The following MEIS2 variants were observed in gnomAD, a reference collection of about 807,000 sequenced individuals.
The protein encoded by MEIS2 is homeobox protein Meis2.
A neutral mutation model predicts 58.6 loss-of-function variants in MEIS2; 9 were observed. That is an observed-to-expected ratio of 0.15 (90% CI 0.09 to 0.27). MEIS2 has a LOEUF of 0.27. Among genes scored for constraint, MEIS2 ranks in the 10% least tolerant of loss-of-function variants. The pLI is 1.00. For synonymous variants in MEIS2, 221 were observed against 228.4 expected, an observed-to-expected ratio of 0.97 and a Z score of 0.29; for missense variants, 427 against 635.0, an observed-to-expected ratio of 0.67 and a Z score of 3.52.
At chr15:37,046,091 T>G (rs996231967) in intron 7 of MEIS2, among the ~76,000 whole-genome samples, 19 of 152,350 alleles carry the variant, frequency 1.2e-4, no homozygotes, top group Middle Eastern at 3.4e-3. Flanking sequence ...TGCTCGGAGC[T>G]GCAGGGGCTC....
chr15:37,069,795 C>T (rs907619476), intron 7 of MEIS2, among the ~76,000 whole-genome samples: 2 of 152,092 alleles, frequency 1.3e-5, no homozygotes, highest in African/African-American at 4.8e-5. Flanking sequence ...ATTTGCTAAA[C>T]CAGAGATCTA....
intron 7 of MEIS2, among the ~76,000 whole-genome samples, chr15:37,074,017 G>T (rs1043350835): frequency 4.0e-5 from 6 of 151,842 alleles, no homozygotes; most frequent in Non-Finnish European, 8.8e-5. Flanking sequence ...AATTATTTAG[G>T]TTTTTTTCTG....
At chr15:37,061,330 A>G (rs919136332) in intron 7 of MEIS2, among the ~76,000 whole-genome samples, 1 of 152,242 alleles carries the variant, frequency 6.6e-6, no homozygotes, top group African/African-American at 2.4e-5. Flanking sequence ...GTGCCCTAAG[A>G]GAAGGTCATC....
intron 9 of MEIS2, among the ~76,000 whole-genome samples, chr15:36,944,556 T>C (rs554962047): frequency 1.3e-4 from 20 of 152,184 alleles, no homozygotes; most frequent in African/African-American, 4.8e-4. Flanking sequence ...TTTTCTGGCA[T>C]AGGAAGTGAT....
chr15:37,041,875 T>G (rs956179918), intron 7 of MEIS2, among the ~76,000 whole-genome samples: 4 of 151,998 alleles, frequency 2.6e-5, no homozygotes, highest in African/African-American at 9.7e-5. Context: ...AAATTCATGG[T>G]CATAAAAACT....
At chr15:36,907,075 T>C (rs1328648500) in intron 9 of MEIS2, among the ~76,000 whole-genome samples, 1 of 152,220 alleles carries the variant, frequency 6.6e-6, no homozygotes, top group Non-Finnish European at 1.5e-5. Flanking sequence ...GTAATGGAAC[T>C]TATCAGAGAG....
chr15:37,054,512 G>T (rs1276766838), intron 7 of MEIS2, among the ~76,000 whole-genome samples: 2 of 152,182 alleles, frequency 1.3e-5, no homozygotes, highest in African/African-American at 4.8e-5. Context: ...AACTTCCCAG[G>T]CTTAAGCGAT....
At chr15:36,895,781 T>C (rs1165867413) in intron 10 of MEIS2, among the ~76,000 whole-genome samples, 1 of 152,244 alleles carries the variant, frequency 6.6e-6, no homozygotes, top group Non-Finnish European at 1.5e-5. Context: ...TTCTTCTCCC[T>C]AGCCTCCAAT....
At chr15:37,087,137 T>C (rs1382372788) in intron 6 of MEIS2, among the ~76,000 whole-genome samples, 1 of 152,148 alleles carries the variant, frequency 6.6e-6, no homozygotes, top group African/African-American at 2.4e-5. Context: ...CGGGTGCCCG[T>C]GTATGACTGA....
chr15:37,001,386 T>A (rs1358636289), intron 8 of MEIS2, among the ~76,000 whole-genome samples: 1 of 152,208 alleles, frequency 6.6e-6, no homozygotes, highest in African/African-American at 2.4e-5. Flanking sequence ...CCTTTAGTTC[T>A]GCATTTCAAA....
chr15:36,961,148 T>C (rs2059167194), intron 8 of MEIS2, among the ~76,000 whole-genome samples: 1 of 152,148 alleles, frequency 6.6e-6, no homozygotes, highest in African/African-American at 2.4e-5. Context: ...CTACAATGCA[T>C]GAATACATTA....
chr15:36,913,879 C>T lies in MEIS2; in HGVS notation c.978-17193G>A, dbSNP rs372123861. Among the ~76,000 whole-genome samples, 77 of 152,252 alleles carry T rather than the reference C, an allele frequency of 5.1e-4. 1 individual carries two copies. In the East Asian group the frequency reaches 5.2e-3, roughly 10 times the overall value. On this transcript the variant is annotated intron_variant, in intron 9 of 11. Transcript: ENST00000561208. ...AAGCTCTTGGAACTGAGCTGGGATC[C>T]GCCATCTTGTTTTGCTTTGCCCCAA...
intron 1 of MEIS2, chr15:37,098,442 A>AAAGT (rs950448207): frequency 8.4e-7 from 1 of 1,188,722 alleles, no homozygotes; most frequent in African/African-American, 1.6e-5. Context: ...AAATAAAAAC[A>AAAGT]AAGTCAGAAA....
chr15:37,040,301 C>T (rs1047313485), intron 7 of MEIS2, among the ~76,000 whole-genome samples: 2 of 152,278 alleles, frequency 1.3e-5, no homozygotes, highest in East Asian at 1.9e-4. Context: ...TACCTCCATG[C>T]CTGACTCAGA....
intron 11 of MEIS2, 26 bp downstream of exon 11, chr15:36,895,125 C>G (rs1374076408): frequency 6.3e-7 from 1 of 1,595,554 alleles, no homozygotes; most frequent in East Asian, 2.2e-5. Flanking sequence ...CCCAGGGAAG[C>G]CCAGAGGCGG....
intron 8 of MEIS2, among the ~76,000 whole-genome samples, chr15:36,985,408 A>C (rs972502588): frequency 6.6e-6 from 1 of 152,038 alleles, no homozygotes; most frequent in African/African-American, 2.4e-5. Context: ...TCTGTCCTTT[A>C]CCTCATCATT....
At chr15:36,898,052 T>C (rs1004097506) in intron 9 of MEIS2, 5 of 152,228 alleles carry the variant, frequency 3.3e-5, no homozygotes, top group Admixed American at 6.5e-5. Context: ...GTCTTTTGCA[T>C]ATGGTGTTTG....
chr15:36,970,327 C>A (rs1595837683), intron 8 of MEIS2, among the ~76,000 whole-genome samples: 2 of 151,886 alleles, frequency 1.3e-5, no homozygotes, highest in East Asian at 2.0e-4. Context: ...TGGCGTGAAC[C>A]CGGGAGGCGG....
chr15:36,968,793 T>G (rs75938778), intron 8 of MEIS2, among the ~76,000 whole-genome samples: 2,188 of 152,304 alleles, frequency 0.014, 48 homozygotes, highest in African/African-American at 0.051. Flanking sequence ...TTATAGTACT[T>G]GCATTATAGA....
Sources: gnomAD v4.1 joint callset for allele counts (sites outside exome capture counted in the v4.1 genomes callset) on GRCh38, gnomAD v4.1.1 for gene constraint, MANE v1.5 for transcripts, NCBI Gene and HGNC (gene_info 2026-07-23, HGNC 2026-07-21) for gene names.